The following PPARGC1A variants were observed in gnomAD, a reference collection of about 807,000 sequenced individuals.
PPARGC1A encodes the protein peroxisome proliferator-activated receptor gamma coactivator 1-alpha.
A neutral mutation model predicts 88.7 loss-of-function variants in PPARGC1A; 25 were observed. That is an observed-to-expected ratio of 0.28 (90% confidence interval 0.21 to 0.39). PPARGC1A has a LOEUF of 0.39. PPARGC1A is among the 10% of genes least tolerant of loss of function. The pLI, the probability that PPARGC1A is intolerant of heterozygous loss-of-function variation, is 1.00. For missense variants in PPARGC1A, 880 were observed against 968.7 expected (o/e 0.91, Z 1.22); for synonymous variants, 363 against 355.6 (o/e 1.02, Z -0.24).
At chr4:24,199,460 C>T in the PPARGC1A span, among the ~76,000 whole-genome samples, 4 of 152,028 alleles carry the variant, frequency 2.6e-5, no homozygotes, top group Admixed American at 1.3e-4. Context: ...CCACAAATGA[C>T]CCTGGGGAAT....
chr4:23,939,043 A>G, the PPARGC1A span, among the ~76,000 whole-genome samples: 1 of 152,192 alleles, frequency 6.6e-6, no homozygotes, highest in African/African-American at 2.4e-5. Flanking sequence ...CAGCCTGGGC[A>G]GCTTACCCAG....
the PPARGC1A span, among the ~76,000 whole-genome samples, chr4:24,123,048 C>T: frequency 6.6e-6 from 1 of 152,158 alleles, no homozygotes; most frequent in South Asian, 2.1e-4. Flanking sequence ...CAAACACACG[C>T]ACTGGTGGTC....
chr4:24,090,341 G>C, the PPARGC1A span, among the ~76,000 whole-genome samples: 6 of 152,136 alleles, frequency 3.9e-5, no homozygotes, highest in Admixed American at 3.9e-4. Context: ...CAATTTCATG[G>C]CAGGCTAGAG....
the PPARGC1A span, among the ~76,000 whole-genome samples, chr4:24,089,503 TTCTTTTCTTTC>T: frequency 7.9e-4 from 74 of 93,358 alleles, 2 homozygotes; most frequent in East Asian, 4.9e-3. Flanking sequence ...TTCTTTTCTT[TTCTTTTCTTTC>T]TTTTTTTTTT....
chr4:23,939,870 T>C, the PPARGC1A span, among the ~76,000 whole-genome samples: 1 of 152,130 alleles, frequency 6.6e-6, no homozygotes, highest in African/African-American at 2.4e-5. Flanking sequence ...AACCTCAGCA[T>C]CTGGTCTGTT....
chr4:23,829,614 G>A (rs756980767), intron 3 of PPARGC1A, 29 bp from the exon 4 acceptor site: 2 of 1,600,244 alleles, frequency 1.2e-6, no homozygotes, highest in South Asian at 2.3e-5. Context: ...AAAGGGAAAA[G>A]CAAGTAAAGT....
the PPARGC1A span, among the ~76,000 whole-genome samples, chr4:24,390,386 T>G: frequency 6.6e-6 from 1 of 152,058 alleles, no homozygotes; most frequent in Non-Finnish European, 1.5e-5. Flanking sequence ...ATAGTTATAT[T>G]TTTATTAGTT....
the PPARGC1A span, among the ~76,000 whole-genome samples, chr4:24,182,402 G>T: frequency 6.6e-6 from 1 of 152,120 alleles, no homozygotes; most frequent in African/African-American, 2.4e-5. Context: ...TATCATTAAT[G>T]GGCATTCAGG....
rs764944559 is a variant in PPARGC1A at position 23,828,407 on chromosome 4, GTGTTGT to G, written c.744_749del (p.Gln249_His250del). 3 of 1,613,160 alleles carry G rather than the reference GTGTTGT, an allele frequency of 1.9e-6. No homozygotes were observed. In the South Asian group the frequency reaches 3.3e-5, roughly 18 times the overall value. On this transcript the variant is annotated inframe_deletion, in exon 5 of 13. Transcript: ENST00000264867. ...TTTTGGTCCCCAGCCTACCTTGTAA[GTGTTGT>G]GACTGCGACTGTGTGTGGGACTTCT...
At chr4:24,159,328 G>A in the PPARGC1A span, among the ~76,000 whole-genome samples, 9 of 146,744 alleles carry the variant, frequency 6.1e-5, no homozygotes, top group Non-Finnish European at 8.9e-5. Flanking sequence ...CTCCTCCCTC[G>A]GCCTCCTGAG....
the PPARGC1A span, among the ~76,000 whole-genome samples, chr4:24,107,531 A>G: frequency 6.6e-6 from 1 of 152,194 alleles, no homozygotes; most frequent in South Asian, 2.1e-4. Context: ...TCTCTTTCAC[A>G]TCTTCTTTAC....
chr4:23,855,094 G>A (rs1270775447), intron 2 of PPARGC1A, among the ~76,000 whole-genome samples: 1 of 152,072 alleles, frequency 6.6e-6, no homozygotes, highest in Non-Finnish European at 1.5e-5. Flanking sequence ...TTTTATAAGG[G>A]GAAACCCCTT....
At chr4:24,307,994 A>G in the PPARGC1A span, among the ~76,000 whole-genome samples, 3 of 152,182 alleles carry the variant, frequency 2.0e-5, no homozygotes, top group Non-Finnish European at 4.4e-5. Flanking sequence ...TTAAGTTTTA[A>G]AAAGAAATCA....
At chr4:23,875,155 A>T (rs1322968107) in intron 2 of PPARGC1A, among the ~76,000 whole-genome samples, 1 of 152,038 alleles carries the variant, frequency 6.6e-6, no homozygotes, top group African/African-American at 2.4e-5. Flanking sequence ...GGGAGACCTA[A>T]AAAGATAATT....
chr4:24,316,897 T>C, the PPARGC1A span, among the ~76,000 whole-genome samples: 1 of 152,190 alleles, frequency 6.6e-6, no homozygotes, highest in Non-Finnish European at 1.5e-5. Flanking sequence ...CAAATCTCCC[T>C]ACCTTCCACA....
At chr4:24,189,509 G>A in the PPARGC1A span, among the ~76,000 whole-genome samples, 1 of 152,092 alleles carries the variant, frequency 6.6e-6, no homozygotes, top group Non-Finnish European at 1.5e-5. Flanking sequence ...GAAGCACTTG[G>A]CAATTGTCCT....
the PPARGC1A span, among the ~76,000 whole-genome samples, chr4:24,289,109 A>G: frequency 6.6e-6 from 1 of 151,514 alleles, no homozygotes; most frequent in Non-Finnish European, 1.5e-5. Flanking sequence ...AATCCCAGCT[A>G]CTTGGGAGGC....
chr4:23,813,088 G>T lies in PPARGC1A; in HGVS notation c.1831C>A (p.Arg611Ser), dbSNP rs772790630. 21 of 1,613,910 alleles carry T rather than the reference G, an allele frequency of 1.3e-5. No homozygotes were observed. The highest frequency in any genetic ancestry group is 1.6e-5 in the Non-Finnish European group (19 of 1,179,964). Residue 611 changes from arginine (R) to serine (S), a missense_variant, in exon 9 of 13, where the codon CGC becomes AGC. Arg to Ser is a moderately radical substitution (Grantham distance 110, BLOSUM62 -1). Coordinates refer to ENST00000264867, the MANE Select transcript of PPARGC1A (RefSeq NM_013261.5). ...YYYESSHYRH[R>S]THRNSPLYVR... ...TACAAGGGAGAATTTCGGTGCGTGC[G>T]GTGTCTGTAGTGGCTTGACTCATAG...
the PPARGC1A span, among the ~76,000 whole-genome samples, chr4:23,921,290 C>A: frequency 1.3e-5 from 2 of 152,076 alleles, no homozygotes; most frequent in Non-Finnish European, 2.9e-5. Flanking sequence ...TGTGTGTGTG[C>A]GTCAGGGGAC....
Sources: gnomAD v4.1 joint callset for allele counts (sites outside exome capture counted in the v4.1 genomes callset) on GRCh38, gnomAD v4.1.1 for gene constraint, MANE v1.5 for transcripts, NCBI Gene and HGNC (gene_info 2026-07-23, HGNC 2026-07-21) for gene names.